EYA1: variants seen among roughly 807,000 people sequenced by gnomAD.
EYA1 encodes the protein EYA transcriptional coactivator and phosphatase 1.
EYA1 carries 16 observed loss-of-function variants against 82.0 expected under a neutral mutation model. The ratio of observed to expected loss-of-function variants is 0.20; its 90% CI spans 0.13 to 0.30. The LOEUF is 0.30. Among genes scored for constraint, EYA1 ranks in the 10% least tolerant of loss-of-function variants. EYA1 has a pLI of 1.00. For synonymous variants in EYA1, 261 were observed against 264.4 expected (o/e 0.99, Z 0.12); for missense variants, 633 against 730.7 (o/e 0.87, Z 1.54).
intron 1 of EYA1, among the ~76,000 whole-genome samples, chr8:71,537,346 T>C (rs1439694755): frequency 6.6e-6 from 1 of 152,202 alleles, no homozygotes; most frequent in African/African-American, 2.4e-5. Flanking sequence ...ACACTTTATT[T>C]TGAATTGTAC....
intron 9 of EYA1, among the ~76,000 whole-genome samples, chr8:71,291,819 T>C (rs1418320785): frequency 1.3e-5 from 2 of 152,180 alleles, no homozygotes; most frequent in African/African-American, 4.8e-5. Context: ...AAATAGTACC[T>C]ATCTCATGGT....
At chr8:71,521,825 AG>A (rs1279455810) in intron 2 of EYA1, among the ~76,000 whole-genome samples, 1 of 152,176 alleles carries the variant, frequency 6.6e-6, no homozygotes, top group African/African-American at 2.4e-5. Flanking sequence ...GTAGGCACTA[AG>A]TAATCAGTTA....
chr8:71,452,826 A>T (rs1011022592), intron 2 of EYA1, among the ~76,000 whole-genome samples: 14 of 152,232 alleles, frequency 9.2e-5, no homozygotes, highest in African/African-American at 3.4e-4. Flanking sequence ...GGAAAAAAAC[A>T]GAGCAGAAAA....
At chr8:71,429,076 C>T (rs897537387) in intron 2 of EYA1, among the ~76,000 whole-genome samples, 4 of 152,134 alleles carry the variant, frequency 2.6e-5, no homozygotes, top group African/African-American at 9.7e-5. Flanking sequence ...GAGGAAAAAT[C>T]AGTTCAAAAT....
intron 2 of EYA1, among the ~76,000 whole-genome samples, chr8:71,474,199 A>T (rs1457927435): frequency 4.8e-5 from 4 of 83,864 alleles, no homozygotes; most frequent in Admixed American, 3.3e-4. Context: ...AAGTAAAATT[A>T]AAAAAAAAAA....
intron 2 of EYA1, among the ~76,000 whole-genome samples, chr8:71,394,161 G>T (rs537293834): frequency 3.5e-4 from 54 of 152,150 alleles, no homozygotes; most frequent in Admixed American, 1.0e-3. Flanking sequence ...TTGTAAATTT[G>T]TTTAAGTTCT....
chr8:71,531,959 C>T (rs938836422), intron 2 of EYA1, among the ~76,000 whole-genome samples: 15 of 152,096 alleles, frequency 9.9e-5, no homozygotes, highest in African/African-American at 3.1e-4. Flanking sequence ...TCTGACTTAA[C>T]GTTTCTACTC....
At chr8:71,271,986 AATAGTAAAGC>A (rs1816601357) in intron 9 of EYA1, 89 bp from the exon 10 acceptor site, 1 of 1,361,708 alleles carries the variant, frequency 7.3e-7, no homozygotes, top group Non-Finnish European at 1.1e-6. Context: ...GGGGAGTTTC[AATAGTAAAGC>A]ACATTTCATT....
At chr8:71,236,095 C>CA (rs1442182963) in intron 12 of EYA1, among the ~76,000 whole-genome samples, 11 of 152,160 alleles carry the variant, frequency 7.2e-5, no homozygotes, top group African/African-American at 2.7e-4. Flanking sequence ...GGCTGGAGTG[C>CA]AGTGGCACAA....
intron 1 of EYA1, among the ~76,000 whole-genome samples, chr8:71,357,605 G>A (rs1403095900): frequency 6.6e-6 from 1 of 152,182 alleles, no homozygotes; most frequent in Admixed American, 6.5e-5. Flanking sequence ...GAGAACTAAA[G>A]CATCTCGAAT....
At chr8:71,312,382 C>G (rs1821434949) in intron 7 of EYA1, among the ~76,000 whole-genome samples, 1 of 152,204 alleles carries the variant, frequency 6.6e-6, no homozygotes, top group African/African-American at 2.4e-5. Context: ...CTGTTGATAT[C>G]ATACAAACTA....
chr8:71,321,634 T>C lies in EYA1; in HGVS notation c.418+100A>G, dbSNP rs546145608. On this transcript the variant is annotated intron_variant, in intron 6 of 17. Transcript: ENST00000340726. ...TTAGACACAGAAGGTGACAACACGT[T>C]CTAAATTGGCCAAAGATTGGGTCTT... 9.0e-6 allele frequency: 13 copies of C among 1,448,686 alleles called. No individual in the cohort carries two copies. In the South Asian group the frequency reaches 1.5e-4, roughly 17 times the overall value. The allele number at this position is 1,448,686 out of a possible 1,614,324, so 89.7% of individuals were successfully genotyped here.
intron 2 of EYA1, among the ~76,000 whole-genome samples, chr8:71,474,689 T>C (rs1809511717): frequency 6.6e-6 from 1 of 152,212 alleles, no homozygotes; most frequent in Admixed American, 6.5e-5. Context: ...GCAAGGGTTT[T>C]TATTTCTCTC....
intron 11 of EYA1, among the ~76,000 whole-genome samples, chr8:71,269,394 A>AT (rs1816243515): frequency 1.3e-5 from 2 of 152,228 alleles, no homozygotes; most frequent in Non-Finnish European, 2.9e-5. Flanking sequence ...ATGTTAGGGA[A>AT]TAAAAAGACA....
chr8:71,411,124 TG>T (rs1391669274), intron 2 of EYA1, among the ~76,000 whole-genome samples: 1 of 2,864 alleles, frequency 3.5e-4, no homozygotes, highest in African/African-American at 2.2e-3. Context: ...AAACAAGCAA[TG>T]GGGAAAGGAT....
At chr8:71,248,520 C>A (rs1813373266) in intron 11 of EYA1, among the ~76,000 whole-genome samples, 1 of 152,176 alleles carries the variant, frequency 6.6e-6, no homozygotes, top group Non-Finnish European at 1.5e-5. Context: ...AAAGGCAGAG[C>A]TCTAGAAAAC....
rs1461968786 is a variant in EYA1 at position 71,216,955 on chromosome 8, G to A, written c.1199+10C>T. On this transcript the variant is annotated intron_variant, in intron 13 of 17. Coordinates refer to ENST00000340726, the MANE Select transcript of EYA1 (RefSeq NM_000503.6). ...AGGGAGATGGTCACTTCACATTCAA[G>A]GGTGCTCACCTTAGGTCCTGTCCGT... 3.1e-6 allele frequency: 5 copies of A among 1,612,978 alleles called. No homozygotes were observed. Among genetic ancestry groups the A allele is most frequent in the African/African-American group, 1.3e-5 (1 of 75,020 alleles).
intron 2 of EYA1, among the ~76,000 whole-genome samples, chr8:71,517,086 T>C (rs1346056094): frequency 6.6e-6 from 1 of 152,058 alleles, no homozygotes. Flanking sequence ...TCTTGCTGGT[T>C]CTAATATCCC....
At chr8:71,338,831 G>A (rs541554934) in intron 3 of EYA1, among the ~76,000 whole-genome samples, 2 of 152,228 alleles carry the variant, frequency 1.3e-5, no homozygotes, top group African/African-American at 2.4e-5. Flanking sequence ...GTGAGCTGCA[G>A]GCCCTCCCCA....
Sources: gnomAD v4.1 joint callset for allele counts (sites outside exome capture counted in the v4.1 genomes callset) on GRCh38, gnomAD v4.1.1 for gene constraint, MANE v1.5 for transcripts, NCBI Gene and HGNC (gene_info 2026-07-23, HGNC 2026-07-21) for gene names.